The following NR6A1 variants were observed in gnomAD, a reference collection of about 807,000 sequenced individuals.
The protein encoded by NR6A1 is retinoic acid receptor-related testis-associated receptor.
A neutral mutation model predicts 59.1 loss-of-function variants in NR6A1; 7 were observed. The observed-to-expected ratio is 0.12, with a 90% confidence interval of 0.07 to 0.22. NR6A1 has a LOEUF of 0.22. NR6A1 is among the 10% of genes least tolerant of loss of function. The probability of loss-of-function intolerance (pLI) is 1.00; values close to 1 mark genes in which losing one functional copy is unlikely to be tolerated. For synonymous variants in NR6A1, 243 were observed against 236.1 expected (o/e 1.03, Z -0.27); for missense variants, 468 against 611.6 (o/e 0.77, Z 2.48).
chr9:124,551,736 G>C lies in NR6A1; in HGVS notation c.385+2592C>G, dbSNP rs999320182. Among the ~76,000 whole-genome samples the C allele has an allele frequency of 2.0e-5, 3 of 152,120 alleles. No homozygotes were observed. In the East Asian group the frequency reaches 5.8e-4, roughly 29 times the overall value. ...GCCCTTTAACCCCCAAAACATCCTA[G>C]CTGATTAAACAAATTTTCACATATA... On this transcript the variant is annotated intron_variant, in intron 3 of 9. Coordinates refer to ENST00000487099, the MANE Select transcript of NR6A1 (RefSeq NM_033334.4).
chr9:124,525,013 T>C (rs1245205966), intron 8 of NR6A1, 140 bp from the exon 9 acceptor site: 1 of 975,650 alleles, frequency 1.0e-6, no homozygotes, highest in South Asian at 1.9e-5. Flanking sequence ...TCTCCTCTGA[T>C]AGGGAGGAAC....
At chr9:124,539,591 T>C (rs866745174) in intron 5 of NR6A1, among the ~76,000 whole-genome samples, 90 of 152,242 alleles carry the variant, frequency 5.9e-4, no homozygotes, top group African/African-American at 1.9e-3. Flanking sequence ...TATTCTCTGA[T>C]AGCAGCAAAT....
chr9:124,744,970 A>G (rs1840283370), intron 1 of NR6A1, among the ~76,000 whole-genome samples: 1 of 152,158 alleles, frequency 6.6e-6, no homozygotes, highest in Admixed American at 6.5e-5. Context: ...CTCCATATAA[A>G]AAGGGAAGAT....
intron 8 of NR6A1, among the ~76,000 whole-genome samples, chr9:124,526,288 ATGTGTGTG>A (rs3050281): frequency 8.7e-4 from 128 of 146,656 alleles, no homozygotes; most frequent in African/African-American, 2.6e-3. Flanking sequence ...GTATGTGTGT[ATGTGTGTG>A]TGTGTGTGTG....
intron 2 of NR6A1, chr9:124,658,505 T>G (rs1837328312): frequency 6.6e-6 from 1 of 152,136 alleles, no homozygotes; most frequent in African/African-American, 2.4e-5. Context: ...ATTTTTTTTT[T>G]GTTTTAACTG....
chr9:124,560,591 G>A (rs552553203), intron 2 of NR6A1, among the ~76,000 whole-genome samples: 2 of 151,898 alleles, frequency 1.3e-5, no homozygotes, highest in African/African-American at 4.8e-5. Flanking sequence ...ACGGAGTTTC[G>A]CTCTTGTCGC....
chr9:124,715,939 A>C (rs1042607171), intron 2 of NR6A1, among the ~76,000 whole-genome samples: 1 of 152,260 alleles, frequency 6.6e-6, no homozygotes, highest in Non-Finnish European at 1.5e-5. Flanking sequence ...GCAGTGGCTC[A>C]TGCCTAAAAT....
intron 1 of NR6A1, among the ~76,000 whole-genome samples, chr9:124,746,396 C>T (rs1405554332): frequency 1.3e-5 from 2 of 152,180 alleles, no homozygotes; most frequent in African/African-American, 4.8e-5. Context: ...CAAGACCAGC[C>T]TGGTCACCAC....
chr9:124,638,535 C>T (rs1240310251), intron 2 of NR6A1, among the ~76,000 whole-genome samples: 1 of 152,108 alleles, frequency 6.6e-6, no homozygotes, highest in Non-Finnish European at 1.5e-5. Context: ...TGTGTATCAT[C>T]AAATCTGACA....
At chr9:124,589,794 C>G (rs1410726957) in intron 2 of NR6A1, among the ~76,000 whole-genome samples, 1 of 152,168 alleles carries the variant, frequency 6.6e-6, no homozygotes, top group East Asian at 1.9e-4. Context: ...TGGCTGGGCA[C>G]CTTGGCTCAT....
At chr9:124,526,630 G>A in intron 8 of NR6A1, 149 bp downstream of exon 8, 1 of 1,159,906 alleles carries the variant, frequency 8.6e-7, no homozygotes, top group Non-Finnish European at 1.2e-6. Flanking sequence ...TGACAAGGGG[G>A]TGCACAAGTC....
chr9:124,589,091 A>C (rs1835026069), intron 2 of NR6A1, among the ~76,000 whole-genome samples: 1 of 152,170 alleles, frequency 6.6e-6, no homozygotes, highest in Non-Finnish European at 1.5e-5. Context: ...AGTCGAATAA[A>C]AGAGTCGAGG....
intron 2 of NR6A1, among the ~76,000 whole-genome samples, chr9:124,616,885 T>A (rs980135759): frequency 4.6e-5 from 7 of 152,196 alleles, no homozygotes; most frequent in African/African-American, 1.7e-4. Flanking sequence ...CATACAATGC[T>A]GGTGGTTGAT....
intron 2 of NR6A1, among the ~76,000 whole-genome samples, chr9:124,650,111 C>G (rs939213316): frequency 6.6e-6 from 1 of 152,168 alleles, no homozygotes; most frequent in Non-Finnish European, 1.5e-5. Context: ...GAAAGGAAAT[C>G]CGTATATCAA....
intron 1 of NR6A1, among the ~76,000 whole-genome samples, chr9:124,737,249 G>C (rs1010964100): frequency 6.6e-6 from 1 of 152,074 alleles, no homozygotes; most frequent in Admixed American, 6.5e-5. Flanking sequence ...ACATTCCCTC[G>C]ACCTAGTCCT....
chr9:124,641,071 G>T (rs796234154), intron 2 of NR6A1, among the ~76,000 whole-genome samples: 3 of 152,228 alleles, frequency 2.0e-5, no homozygotes, highest in African/African-American at 4.8e-5. Context: ...ACACAAAGTC[G>T]CCGGGTGCAG....
At chr9:124,559,772 G>A (rs1024016166) in intron 2 of NR6A1, among the ~76,000 whole-genome samples, 2 of 151,916 alleles carry the variant, frequency 1.3e-5, no homozygotes, top group African/African-American at 2.4e-5. Flanking sequence ...ACAAGACTCC[G>A]TCAAAAAAGA....
chr9:124,771,010 C>T lies in NR6A1; in HGVS notation c.100+10G>A. ...CTGCCTGGCCCGGGCGTCGCAGGCC[C>T]CTCACCCACCGTTGCGCGGCGGCGG... On this transcript the variant is annotated intron_variant, in intron 1 of 9. Coordinates refer to ENST00000487099, the MANE Select transcript of NR6A1 (RefSeq NM_033334.4). 8.2e-7 allele frequency: 1 copy of T among 1,225,046 alleles called. No individual in the cohort carries two copies. Among genetic ancestry groups the T allele is most frequent in the Non-Finnish European group, 1.0e-6 (1 of 982,100 alleles). The allele number at this position is 1,225,046 out of a possible 1,614,324, so 75.9% of individuals were successfully genotyped here.
chr9:124,654,786 C>T (rs113624445), intron 2 of NR6A1, among the ~76,000 whole-genome samples: 8 of 151,670 alleles, frequency 5.3e-5, no homozygotes, highest in South Asian at 4.2e-4. Context: ...TTTCTGTCTC[C>T]CCATTAGAAT....
Sources: gnomAD v4.1 joint callset for allele counts (sites outside exome capture counted in the v4.1 genomes callset) on GRCh38, gnomAD v4.1.1 for gene constraint, MANE v1.5 for transcripts, NCBI Gene and HGNC (gene_info 2026-07-23, HGNC 2026-07-21) for gene names.